The following CLSTN2 variants were observed in gnomAD, a reference collection of about 807,000 sequenced individuals.
CLSTN2 encodes the protein calsyntenin-2.
Under a neutral mutation model 101.2 loss-of-function variants are expected in CLSTN2, and 48 were observed. That is an observed-to-expected ratio of 0.47 (90% confidence interval 0.38 to 0.60). The LOEUF is 0.60. Among genes scored for constraint, CLSTN2 ranks in the 20% least tolerant of loss-of-function variants. CLSTN2 has a pLI of 0.00. For missense variants in CLSTN2, 1,160 were observed against 1,238.2 expected (o/e 0.94, Z 0.95); for synonymous variants, 481 against 463.6 (o/e 1.04, Z -0.48).
chr3:140,081,209 G>GT lies in CLSTN2; in HGVS notation c.110-94737dup, dbSNP rs979889867. On this transcript the variant is annotated intron_variant, in intron 1 of 16. Coordinates refer to ENST00000458420, the MANE Select transcript of CLSTN2 (RefSeq NM_022131.3). ...AACAATAGTGGAATTTTTCAATTTG[G>GT]TTTTTCCCCCCTTAGGGCAAATCCC... Among the ~76,000 whole-genome samples, 9 of 152,262 alleles carry GT rather than the reference G, an allele frequency of 5.9e-5. No individual in the cohort carries two copies. The East Asian group carries it at 7.7e-4, about 13-fold the overall frequency.
At chr3:140,007,454 C>A (rs994901157) in intron 1 of CLSTN2, among the ~76,000 whole-genome samples, 1 of 152,214 alleles carries the variant, frequency 6.6e-6, no homozygotes, top group Non-Finnish European at 1.5e-5. Context: ...AGCCTTTCCC[C>A]TTCCCCCATC....
At chr3:140,444,371 G>C (rs1372427590) in intron 5 of CLSTN2, among the ~76,000 whole-genome samples, 2 of 151,954 alleles carry the variant, frequency 1.3e-5, no homozygotes, top group Non-Finnish European at 2.9e-5. Context: ...TGGAGGTTAC[G>C]GTGGGCTGAG....
intron 1 of CLSTN2, among the ~76,000 whole-genome samples, chr3:140,058,125 T>G (rs535701042): frequency 1.1e-4 from 17 of 152,244 alleles, no homozygotes; most frequent in Admixed American, 4.6e-4. Flanking sequence ...CACTCAGGCA[T>G]GCTGTCTACA....
intron 1 of CLSTN2, among the ~76,000 whole-genome samples, chr3:139,968,698 T>C (rs1170543546): frequency 6.6e-6 from 1 of 152,174 alleles, no homozygotes; most frequent in African/African-American, 2.4e-5. Context: ...GGCAATGACT[T>C]CGTGGTTTGG....
At chr3:140,225,053 G>A (rs2086306786) in intron 2 of CLSTN2, among the ~76,000 whole-genome samples, 1 of 152,204 alleles carries the variant, frequency 6.6e-6, no homozygotes, top group Non-Finnish European at 1.5e-5. Flanking sequence ...GTTGCACTAT[G>A]TGTGAATTCA....
intron 10 of CLSTN2, among the ~76,000 whole-genome samples, chr3:140,555,074 G>T (rs187068077): frequency 6.6e-6 from 1 of 152,282 alleles, no homozygotes; most frequent in East Asian, 1.9e-4. Context: ...GTCCATTATA[G>T]ATTGGCTGCA....
chr3:140,553,835 C>T (rs1184996279), intron 10 of CLSTN2, among the ~76,000 whole-genome samples: 1 of 152,134 alleles, frequency 6.6e-6, no homozygotes, highest in Non-Finnish European at 1.5e-5. Context: ...GTGTAGCCTC[C>T]GCAATGCCCA....
chr3:140,451,809 G>C (rs576503882), intron 6 of CLSTN2, among the ~76,000 whole-genome samples: 1 of 152,240 alleles, frequency 6.6e-6, no homozygotes, highest in South Asian at 2.1e-4. Context: ...TTCTTGCTGG[G>C]CTTCCCAACT....
intron 4 of CLSTN2, among the ~76,000 whole-genome samples, chr3:140,408,516 G>A (rs1191232043): frequency 6.6e-6 from 1 of 152,172 alleles, no homozygotes; most frequent in Non-Finnish European, 1.5e-5. Flanking sequence ...TCACTGCCAA[G>A]GAGCCTACAG....
At chr3:140,544,076 C>T (rs1228125257) in intron 9 of CLSTN2, among the ~76,000 whole-genome samples, 2 of 152,232 alleles carry the variant, frequency 1.3e-5, no homozygotes, top group Non-Finnish European at 2.9e-5. Flanking sequence ...GCCCACCACT[C>T]TGCTGATATT....
intron 2 of CLSTN2, among the ~76,000 whole-genome samples, chr3:140,194,708 A>G (rs1420227072): frequency 6.6e-6 from 1 of 152,168 alleles, no homozygotes; most frequent in Admixed American, 6.5e-5. Context: ...CTGGAGGTAG[A>G]ATTCCAGGTT....
intron 2 of CLSTN2, among the ~76,000 whole-genome samples, chr3:140,230,217 A>G (rs1470306227): frequency 2.0e-5 from 3 of 152,196 alleles, no homozygotes; most frequent in Non-Finnish European, 4.4e-5. Context: ...GGGACATTAC[A>G]TACTGATTGC....
intron 2 of CLSTN2, among the ~76,000 whole-genome samples, chr3:140,213,178 CTACCACCTTCAG>C (rs2010879013): frequency 6.6e-6 from 1 of 152,228 alleles, no homozygotes. Flanking sequence ...TCCTCTCTGA[CTACCACCTTCAG>C]TCCCAGGATC....
chr3:140,448,761 A>G (rs886965769), intron 6 of CLSTN2, 57 bp downstream of exon 6: 5 of 1,406,122 alleles, frequency 3.6e-6, no homozygotes, highest in Non-Finnish European at 4.0e-6. Context: ...GATGTATACC[A>G]AAAAAGCATA....
rs76717179 is a variant in CLSTN2, at chr3:140,307,749, C to T, written c.233-95880C>T. On this transcript the variant is annotated intron_variant, in intron 2 of 16. Transcript: ENST00000458420. ...ATCAGCTTCCCTAAAATGTCTGTAC[C>T]CTAGCTTGTGAATATTCTGCTTTCT... Among the ~76,000 whole-genome samples the T allele has an allele frequency of 3.6e-3, 553 of 152,180 alleles. 1 individual carries two copies. The highest frequency in any genetic ancestry group is 6.9e-3 in the Non-Finnish European group (468 of 68,012).
intron 2 of CLSTN2, among the ~76,000 whole-genome samples, chr3:140,328,214 C>T (rs1357041573): frequency 6.6e-6 from 1 of 152,132 alleles, no homozygotes; most frequent in Non-Finnish European, 1.5e-5. Flanking sequence ...AGGCATCTTG[C>T]AAAGTAAATA....
intron 2 of CLSTN2, among the ~76,000 whole-genome samples, chr3:140,199,090 A>G (rs371295400): frequency 6.6e-6 from 1 of 152,186 alleles, no homozygotes; most frequent in South Asian, 2.1e-4. Context: ...GTCCTCAAGA[A>G]AGTGTCAGGG....
In CLSTN2 at chr3:140,533,459, C is replaced by T. The variant is rs1333982270; in HGVS notation, c.1507+973C>T. Among the ~76,000 whole-genome samples the T allele has an allele frequency of 4.6e-5, 7 of 152,092 alleles. No individual in the cohort carries two copies. The East Asian group carries it at 1.4e-3, about 29-fold the overall frequency. On this transcript the variant is annotated intron_variant, in intron 9 of 16. Transcript: ENST00000458420. ...GCACAGTGGCTCACGCCTGTAATCC[C>T]AGCACTTTGGGAGGCCAAAGCGGGC...
At chr3:140,350,701 A>C (rs552951452) in intron 2 of CLSTN2, among the ~76,000 whole-genome samples, 1 of 152,322 alleles carries the variant, frequency 6.6e-6, no homozygotes, top group African/African-American at 2.4e-5. Flanking sequence ...GATGGCATGC[A>C]TGTAATGAGG....
Sources: gnomAD v4.1 joint callset for allele counts (sites outside exome capture counted in the v4.1 genomes callset) on GRCh38, gnomAD v4.1.1 for gene constraint, MANE v1.5 for transcripts, NCBI Gene and HGNC (gene_info 2026-07-23, HGNC 2026-07-21) for gene names.